The following CFAP299 variants were observed in gnomAD, a reference collection of about 807,000 sequenced individuals.
CFAP299 encodes the protein cilia and flagella associated protein 299, also known as cilia- and flagella-associated protein 299.
Under a neutral mutation model 27.0 loss-of-function variants are expected in CFAP299, and 21 were observed. The observed-to-expected ratio is 0.78, with a 90% CI of 0.55 to 1.12. The LOEUF (loss-of-function observed/expected upper bound fraction) is 1.12, where lower values mean the gene tolerates loss of function less well. Among genes scored for constraint, CFAP299 ranks in the 50% most tolerant of loss-of-function variants. The pLI is 0.00. For missense variants in CFAP299, 310 were observed against 276.6 expected (o/e 1.12, Z -0.86); for synonymous variants, 104 against 98.1 (o/e 1.06, Z -0.36).
At chr4:80,695,829 T>TA (rs1721052790) in intron 3 of CFAP299, among the ~76,000 whole-genome samples, 2 of 152,054 alleles carry the variant, frequency 1.3e-5, no homozygotes, top group Admixed American at 6.5e-5. Flanking sequence ...ATAACTTTTG[T>TA]ATTTTTTTAA....
At chr4:80,685,615 G>A (rs1487557573) in intron 3 of CFAP299, among the ~76,000 whole-genome samples, 1 of 114,678 alleles carries the variant, frequency 8.7e-6, no homozygotes, top group Non-Finnish European at 1.7e-5. Flanking sequence ...CAGTGGAATG[G>A]TTGTGTGTGG....
In CFAP299 at chr4:80,376,122, T is replaced by C. The variant is rs141242923; in HGVS notation, c.242+13238T>C. Among the ~76,000 whole-genome samples the C allele has an allele frequency of 4.7e-3, 715 of 152,352 alleles. 6 individuals carry two copies. The highest frequency in any genetic ancestry group is 7.8e-3 in the Non-Finnish European group (528 of 68,024). On this transcript the variant is annotated intron_variant, in intron 2 of 5. Coordinates refer to ENST00000358105, the MANE Select transcript of CFAP299 (RefSeq NM_152770.3). ...CCTGACAAACCAGCCATATGATTTC[T>C]GTCCCTATAGTTTTGCCTTTTTTTT... is the stretch of plus-strand genomic sequence containing the variant.
At chr4:80,704,885 C>G (rs1721732226) in intron 3 of CFAP299, among the ~76,000 whole-genome samples, 1 of 151,634 alleles carries the variant, frequency 6.6e-6, no homozygotes, top group African/African-American at 2.4e-5. Flanking sequence ...AACTGGGCCT[C>G]CAGTGTTAAA....
intron 2 of CFAP299, among the ~76,000 whole-genome samples, chr4:80,483,274 C>T (rs1730654784): frequency 6.6e-6 from 1 of 152,162 alleles, no homozygotes; most frequent in African/African-American, 2.4e-5. Flanking sequence ...CTCACAGAAT[C>T]TTAACCTGTA....
In CFAP299 at chr4:80,423,864, T is replaced by G. The variant is rs76885957; in HGVS notation, c.242+60980T>G. Among the ~76,000 whole-genome samples the G allele has an allele frequency of 6.4e-3, 970 of 152,272 alleles. 22 individuals are homozygous for G. Among genetic ancestry groups the G allele is most frequent in the African/African-American group, 0.022 (932 of 41,554 alleles). ...TGAGCTGGAACTGCATGTGGGGGCC[T>G]ATGAGCTGTCTGTGTTCCAAGGGAG... is the stretch of plus-strand genomic sequence containing the variant. On this transcript the variant is annotated intron_variant, in intron 2 of 5. Transcript: ENST00000358105.
chr4:80,712,950 A>G (rs1402819342), intron 3 of CFAP299, among the ~76,000 whole-genome samples: 2 of 152,088 alleles, frequency 1.3e-5, no homozygotes, highest in Non-Finnish European at 2.9e-5. Context: ...TTAAAGGGCT[A>G]TCCTTTCATT....
At chr4:80,423,577 C>T (rs1038906357) in intron 2 of CFAP299, among the ~76,000 whole-genome samples, 1 of 152,122 alleles carries the variant, frequency 6.6e-6, no homozygotes, top group Non-Finnish European at 1.5e-5. Flanking sequence ...GCTCTCTGAC[C>T]CCCTATTCCA....
intron 4 of CFAP299, among the ~76,000 whole-genome samples, chr4:80,891,793 A>AAAT (rs1734304468): frequency 7.1e-6 from 1 of 140,354 alleles, no homozygotes; most frequent in African/African-American, 2.7e-5. Context: ...AAAAAATAAA[A>AAAT]AAAAAAATAA....
chr4:80,733,358 A>G (rs1008694642), intron 3 of CFAP299, among the ~76,000 whole-genome samples: 1 of 152,176 alleles, frequency 6.6e-6, no homozygotes, highest in Non-Finnish European at 1.5e-5. Flanking sequence ...GCATATATTT[A>G]TGGGGTACAT....
chr4:80,548,141 GTGAACCAGA>G (rs1165185858), intron 2 of CFAP299, among the ~76,000 whole-genome samples: 1 of 151,920 alleles, frequency 6.6e-6, no homozygotes, highest in Non-Finnish European at 1.5e-5. Flanking sequence ...CCTATCAATG[GTGAACCAGA>G]TAAAGAAAAT....
At chr4:80,855,934 G>A (rs1483543931) in intron 3 of CFAP299, among the ~76,000 whole-genome samples, 1 of 151,894 alleles carries the variant, frequency 6.6e-6, no homozygotes, top group Admixed American at 6.6e-5. Context: ...TAATGGGATG[G>A]CTGGGTCAAA....
chr4:80,911,762 A>AGAAGCAC (rs1735484059), intron 4 of CFAP299, among the ~76,000 whole-genome samples: 1 of 152,190 alleles, frequency 6.6e-6, no homozygotes, highest in East Asian at 1.9e-4. Flanking sequence ...CAATGCCATA[A>AGAAGCAC]GAAGCACTTC....
At chr4:80,831,034 G>A (rs1730272129) in intron 3 of CFAP299, among the ~76,000 whole-genome samples, 3 of 152,030 alleles carry the variant, frequency 2.0e-5, no homozygotes, top group Admixed American at 6.6e-5. Flanking sequence ...AATGGCAGAA[G>A]TAAGGCAATA....
At chr4:80,598,119 T>C (rs192106048) in intron 3 of CFAP299, among the ~76,000 whole-genome samples, 274 of 152,348 alleles carry the variant, frequency 1.8e-3, no homozygotes, top group African/African-American at 6.1e-3. Context: ...GTTAAAAGTT[T>C]AGAAGTTTTC....
chr4:80,470,585 T>G lies in CFAP299; in HGVS notation c.242+107701T>G, dbSNP rs6828420. On this transcript the variant is annotated intron_variant, in intron 2 of 5. Coordinates refer to ENST00000358105, the MANE Select transcript of CFAP299 (RefSeq NM_152770.3). ...TGGTCCACACTTGTTTTTATTTTCT[T>G]CGACTTCAATTGGGGATGTGACAAT... is the stretch of plus-strand genomic sequence containing the variant. Among the ~76,000 whole-genome samples the G allele has an allele frequency of 8.7e-3, 1,329 of 152,310 alleles. 28 individuals carry two copies. The highest frequency in any genetic ancestry group is 0.03 in the African/African-American group (1,260 of 41,556).
At position 80,383,446 on chromosome 4, in the gene CFAP299, G is replaced by A. The variant is rs191339761; in HGVS notation, c.242+20562G>A. ...AGGTGAAGCATAGATATTTCTGATT[G>A]TAACATCTAAGATTAATTTTTCTTT... is the stretch of plus-strand genomic sequence containing the variant. On this transcript the variant is annotated intron_variant, in intron 2 of 5. Coordinates refer to ENST00000358105, the MANE Select transcript of CFAP299 (RefSeq NM_152770.3). Among the ~76,000 whole-genome samples, 10 of 152,194 alleles carry A rather than the reference G, an allele frequency of 6.6e-5. No individual in the cohort carries two copies. In the East Asian group the frequency reaches 1.7e-3, roughly 26 times the overall value.
At chr4:80,922,041 A>C (rs968419966) in intron 4 of CFAP299, among the ~76,000 whole-genome samples, 2 of 152,056 alleles carry the variant, frequency 1.3e-5, no homozygotes, top group Non-Finnish European at 2.9e-5. Context: ...GTGCCTGTGG[A>C]ACATGTAGGC....
intron 4 of CFAP299, among the ~76,000 whole-genome samples, chr4:80,898,836 A>G (rs1054735009): frequency 1.3e-5 from 2 of 152,188 alleles, no homozygotes; most frequent in Non-Finnish European, 2.9e-5. Context: ...TTTCCAGGAA[A>G]TAAAAGGAAG....
At chr4:80,388,708 C>T in intron 2 of CFAP299, 2 of 763,570 alleles carry the variant, frequency 2.6e-6, no homozygotes, top group Admixed American at 2.1e-5. Context: ...TAAAGATCAC[C>T]TGCACCATCT....
Sources: gnomAD v4.1 joint callset for allele counts (sites outside exome capture counted in the v4.1 genomes callset) on GRCh38, gnomAD v4.1.1 for gene constraint, MANE v1.5 for transcripts, NCBI Gene and HGNC (gene_info 2026-07-23, HGNC 2026-07-21) for gene names.